Variants in ACAD9 observed in about 807,000 individuals in gnomAD.
ACAD9 encodes complex I assembly factor ACAD9, mitochondrial.
Under a neutral mutation model 70.2 loss-of-function variants are expected in ACAD9, and 53 were observed. The observed-to-expected ratio is 0.75, with a 90% CI of 0.61 to 0.95. The LOEUF is 0.95. Among genes scored for constraint, ACAD9 ranks in the 40% least tolerant of loss-of-function variants. ACAD9 has a pLI of 0.00. For missense variants in ACAD9, 777 were observed against 802.8 expected (o/e 0.97, Z 0.39); for synonymous variants, 313 against 312.1 (o/e 1.00, Z -0.03).
At chr3:128,880,158 G>A in intron 1 of ACAD9, 1 of 678,462 alleles carries the variant, frequency 1.5e-6, no homozygotes, top group South Asian at 1.8e-5. Context: ...GTCTGGAAAT[G>A]TGCGGGGCTT....
At chr3:128,881,775 C>G (rs1038435624) in intron 1 of ACAD9, among the ~76,000 whole-genome samples, 3 of 152,198 alleles carry the variant, frequency 2.0e-5, no homozygotes, top group Admixed American at 2.0e-4. Context: ...TCTGAATGTT[C>G]TAAATACTTC....
chr3:128,880,452 C>T (rs940638366), intron 1 of ACAD9, among the ~76,000 whole-genome samples: 12 of 152,250 alleles, frequency 7.9e-5, no homozygotes, highest in African/African-American at 2.6e-4. Context: ...GCTCTTGTCG[C>T]CCAGGCTGGA....
chr3:128,885,148 G>C (rs1282975748), intron 2 of ACAD9, among the ~76,000 whole-genome samples: 1 of 152,206 alleles, frequency 6.6e-6, no homozygotes, highest in African/African-American at 2.4e-5. Flanking sequence ...TCTGTACTTT[G>C]GTAATTGTAA....
At chr3:128,897,129 G>A (rs958920764) in intron 5 of ACAD9, among the ~76,000 whole-genome samples, 2 of 152,110 alleles carry the variant, frequency 1.3e-5, no homozygotes, top group Non-Finnish European at 2.9e-5. Flanking sequence ...GCTTTTTTAC[G>A]TGATGTATTG....
At chr3:128,881,066 C>T (rs1559816529) in intron 1 of ACAD9, among the ~76,000 whole-genome samples, 1 of 152,186 alleles carries the variant, frequency 6.6e-6, no homozygotes, top group Non-Finnish European at 1.5e-5. Context: ...TTGGAACGTT[C>T]CTCTGAGGTT....
In ACAD9 at chr3:128,888,032, G is replaced by A. The variant is rs1461889971; in HGVS notation, c.244+3286G>A. Among the ~76,000 whole-genome samples the A allele has an allele frequency of 2.0e-5, 3 of 152,224 alleles. No homozygotes were observed. The East Asian group carries it at 5.8e-4, about 29-fold the overall frequency. The stretch of plus-strand genomic sequence containing the variant: ...AGACAACCCTTCCCCAAAAGTAATG[G>A]CCAAGAATAAAAGCACAAATATTGC... On this transcript the variant is annotated intron_variant, in intron 2 of 17. Coordinates refer to ENST00000308982, the MANE Select transcript of ACAD9 (RefSeq NM_014049.5).
In ACAD9 at chr3:128,902,684, A is replaced by C; in HGVS notation, c.958+56A>C. The C allele has an allele frequency of 6.3e-7, 1 of 1,582,544 alleles. No individual in the cohort carries two copies. Among genetic ancestry groups the C allele is most frequent in the Middle Eastern group, 1.7e-4 (1 of 5,920 alleles). ...CCCCACCCCCTGCTGCCCCGGCTCC[A>C]ACCCTGGAGGCTCTGCCATTCCCCC... On this transcript the variant is annotated intron_variant, in intron 9 of 17. Coordinates refer to ENST00000308982, the MANE Select transcript of ACAD9 (RefSeq NM_014049.5). This position sits in a 1 kb window ranked among gnomAD's most constrained non-coding sequence, Gnocchi z 4.0.
At chr3:128,911,230 G>A (rs2107668028) in intron 17 of ACAD9, among the ~76,000 whole-genome samples, 1 of 152,032 alleles carries the variant, frequency 6.6e-6, no homozygotes, top group Non-Finnish European at 1.5e-5. Flanking sequence ...CTAATTTTTT[G>A]TATTTTTAGT....
intron 5 of ACAD9, among the ~76,000 whole-genome samples, chr3:128,897,119 G>A (rs1004690158): frequency 6.6e-6 from 1 of 152,168 alleles, no homozygotes; most frequent in Non-Finnish European, 1.5e-5. Flanking sequence ...TTTCACTGCC[G>A]CTTTTTTACG....
At chr3:128,890,843 A>G (rs1576334453) in intron 2 of ACAD9, among the ~76,000 whole-genome samples, 1 of 143,496 alleles carries the variant, frequency 7.0e-6, no homozygotes, top group African/African-American at 2.6e-5. Context: ...TTTTAGAGCA[A>G]TTTTTTTTTT....
In ACAD9 at chr3:128,902,739, C is replaced by T. The variant is rs572550943; in HGVS notation, c.958+111C>T. On this transcript the variant is annotated intron_variant, in intron 9 of 17. Transcript: ENST00000308982. This position sits in a 1 kb window ranked among gnomAD's most constrained non-coding sequence, Gnocchi z 4.0. ...CCTTCCAGGCCAGTGCTGAACCAGG[C>T]TACCAGCCTGAGCTCAGTCCCTGGG... is the stretch of plus-strand genomic sequence containing the variant. 105 of 1,244,228 alleles carry T rather than the reference C, an allele frequency of 8.4e-5. No homozygotes were observed. In the South Asian group the frequency reaches 1.3e-3, roughly 15 times the overall value. The allele number at this position is 1,244,228 out of a possible 1,614,324, so 77.1% of individuals were successfully genotyped here.
Position 128,899,306 on chromosome 3 carries a change from G to T in ACAD9, c.653G>T (p.Gly218Val), listed in dbSNP as rs1403409653. 1 of 1,614,216 alleles carries T rather than the reference G, an allele frequency of 6.2e-7. No homozygotes were observed. The highest frequency in any genetic ancestry group is 1.7e-5 in the Admixed American group (1 of 60,030). Residue 218 changes from glycine to valine, a missense_variant, in exon 7 of 18, where the codon GGA becomes GTA. Transcript: ENST00000308982. ...NGSKVWITNGGLANIFTVFAK... is the reference protein window; with the variant it reads ...NGSKVWITNGVLANIFTVFAK... ...CCTCAGGTCTGGATTACTAATGGAG[G>T]ACTGGCCAATATTTTTACTGTGTTT...
chr3:128,909,234 C>T, intron 14 of ACAD9, 110 bp from the exon 15 acceptor site: 2 of 1,595,586 alleles, frequency 1.3e-6, no homozygotes, highest in Non-Finnish European at 8.6e-7. Context: ...TCCATGACAC[C>T]CTGGATTGCT....
Position 128,909,094 on chromosome 3 carries a change from C to T in ACAD9, c.1480C>T (p.Leu494Phe). 6.2e-7 allele frequency: 1 copy of T among 1,614,004 alleles called. No homozygotes were observed. The highest frequency in any genetic ancestry group is 8.5e-7 in the Non-Finnish European group (1 of 1,180,010). ...TGNHGVVHPS[L>F]ADSANKFEEN... is the part of the protein sequence containing the mutation. ...CAACCATGGAGTTGTGCACCCCAGT[C>T]TTGCGGTGAGTGGGCCTAACAGGCA... The change falls in exon 14 of 18, where the codon CTT (leucine) becomes TTT (phenylalanine). Residue 494 changes from leucine to phenylalanine, a missense_variant. Leu to Phe is a conservative substitution (Grantham distance 22, BLOSUM62 0). Coordinates refer to ENST00000308982, the MANE Select transcript of ACAD9 (RefSeq NM_014049.5).
chr3:128,880,019 T>C (rs1306852852), intron 1 of ACAD9, 178 bp downstream of exon 1: 1 of 1,544,604 alleles, frequency 6.5e-7, no homozygotes, highest in African/African-American at 1.4e-5. Flanking sequence ...AGAGAAAGGG[T>C]GAGACATTTC....
Position 128,913,099 on chromosome 3 carries a change from A to T in ACAD9, c.*492A>T. 2.2e-6 allele frequency: 1 copy of T among 452,416 alleles called. No individual in the cohort carries two copies. Among genetic ancestry groups the T allele is most frequent in the Non-Finnish European group, 4.4e-6 (1 of 224,948 alleles). 28.0% of individuals were successfully genotyped at this position (452,416 alleles called of 1,614,324 possible). Reference sequence around the variant, plus strand: ...TTTAACAAAGAATATAAAATGTCACAATCTGTGTACTGTTAGCCTTTGCTG... The same window carrying T: ...TTTAACAAAGAATATAAAATGTCACTATCTGTGTACTGTTAGCCTTTGCTG... On this transcript the variant is annotated 3_prime_UTR_variant, in exon 18 of 18. Coordinates refer to ENST00000308982, the MANE Select transcript of ACAD9 (RefSeq NM_014049.5).
intron 8 of ACAD9, 24 bp downstream of exon 8, chr3:128,901,373 T>G (rs780731902): frequency 1.9e-6 from 3 of 1,613,682 alleles, no homozygotes; most frequent in Non-Finnish European, 2.5e-6. Flanking sequence ...CACAGCCCCT[T>G]GTACCAGGTA....
At position 128,910,754 on chromosome 3, in the gene ACAD9, A is replaced by G. The variant is rs775299800; in HGVS notation, c.1706A>G (p.Asn569Ser). The change falls in exon 17 of 18, where the codon AAC becomes AGC. Residue 569 changes from asparagine (N) to serine (S), a missense_variant. Asn to Ser is a conservative substitution (Grantham distance 46, BLOSUM62 1). Coordinates refer to ENST00000308982, the MANE Select transcript of ACAD9 (RefSeq NM_014049.5). ...RNHDHEVLLA[N>S]TFCVEAYLQN... ...CGGTTCTGGCAGGTTCTCTTGGCCA[A>G]CACCTTCTGCGTGGAAGCTTACTTG... The G allele has an allele frequency of 8.7e-6, 14 of 1,614,072 alleles. 1 individual carries two copies. Among genetic ancestry groups the G allele is most frequent in the Middle Eastern group, 1.6e-4 (1 of 6,084 alleles).
intron 16 of ACAD9, chr3:128,910,362 G>A: frequency 1.4e-6 from 2 of 1,462,912 alleles, no homozygotes; most frequent in Admixed American, 4.8e-5. Flanking sequence ...AGTGACAGGG[G>A]TTCCTGATCC....
Sources: allele counts gnomAD v4.1 joint callset (sites outside exome capture counted in the v4.1 genomes callset), GRCh38; gene constraint gnomAD v4.1.1; non-coding constraint Gnocchi (gnomAD v3.1); transcripts MANE v1.5; gene names NCBI Gene and HGNC (gene_info 2026-07-23, HGNC 2026-07-21).